Variants in BICRAL observed in about 807,000 individuals in gnomAD.
The protein encoded by BICRAL is BRD4-interacting chromatin-remodeling complex-associated protein-like.
A neutral mutation model predicts 91.8 loss-of-function variants in BICRAL; 8 were observed. The ratio of observed to expected loss-of-function variants is 0.09; its 90% confidence interval spans 0.05 to 0.16. The LOEUF is 0.16. Among genes scored for constraint, BICRAL ranks in the 10% least tolerant of loss-of-function variants. BICRAL has a pLI of 1.00. For missense variants in BICRAL, 1,038 were observed against 1,310.9 expected, an observed-to-expected ratio of 0.79 and a Z score of 3.21; for synonymous variants, 445 against 491.1, an observed-to-expected ratio of 0.91 and a Z score of 1.24.
intron 6 of BICRAL, among the ~76,000 whole-genome samples, chr6:42,849,880 C>T (rs1167602515): frequency 1.3e-5 from 2 of 151,872 alleles, no homozygotes; most frequent in Non-Finnish European, 2.9e-5. Context: ...GGTTAAATCT[C>T]ATCTCTACCA....
chr6:42,833,480 C>T (rs951844588), intron 6 of BICRAL, among the ~76,000 whole-genome samples: 1 of 152,086 alleles, frequency 6.6e-6, no homozygotes, highest in African/African-American at 2.4e-5. Flanking sequence ...CAGAGTCTCA[C>T]TCTATTGTCC....
intron 1 of BICRAL, among the ~76,000 whole-genome samples, chr6:42,760,796 TG>T (rs60981580): frequency 0.19 from 28,215 of 151,844 alleles, 2,892 homozygotes; most frequent in Admixed American, 0.24. Flanking sequence ...TAGAGGCAGG[TG>T]GATCACTTGA....
chr6:42,857,259 G>GCACCA, intron 10 of BICRAL, 23 bp downstream of exon 10: 2 of 1,595,376 alleles, frequency 1.3e-6, no homozygotes, highest in South Asian at 2.2e-5. Context: ...GGACCCTAAG[G>GCACCA]CACCACTCTG....
At position 42,829,462 on chromosome 6, in the gene BICRAL, G is replaced by T. The variant is rs771853925; in HGVS notation, c.1129G>T (p.Ala377Ser). ...CACAAGAAAGCCAGTCACCTCACAGGCAGTGAGCAGCACTGGGGGCAGTAT... is the reference window on the plus strand; with the variant it reads ...CACAAGAAAGCCAGTCACCTCACAGTCAGTGAGCAGCACTGGGGGCAGTAT... Reference protein sequence around the residue: ...QNTRKPVTSQAVSSTGGSIVI... With the variant: ...QNTRKPVTSQSVSSTGGSIVI... Residue 377 changes from alanine (A) to serine (S), a missense_variant, in exon 6 of 13, where the codon GCA becomes TCA. Around this residue, in one of 5 missense-constraint regions of BICRAL, gnomAD observed 532 missense variants for 724.9 expected, o/e 0.73. Coordinates refer to ENST00000314073, the MANE Select transcript of BICRAL (RefSeq NM_001393499.1). 2.5e-6 allele frequency: 4 copies of T among 1,614,028 alleles called. No individual in the cohort carries two copies. In the African/African-American group the frequency reaches 4.0e-5, roughly 16 times the overall value.
intron 1 of BICRAL, among the ~76,000 whole-genome samples, chr6:42,775,795 A>C (rs1278179291): frequency 1.3e-5 from 2 of 152,224 alleles, no homozygotes; most frequent in African/African-American, 4.8e-5. Context: ...ATATAGAGAC[A>C]AATAGCTTTA....
At chr6:42,767,532 G>A (rs1274903725) in intron 1 of BICRAL, among the ~76,000 whole-genome samples, 1 of 152,194 alleles carries the variant, frequency 6.6e-6, no homozygotes, top group Non-Finnish European at 1.5e-5. Context: ...AATCCAGTGG[G>A]TGTTTGTTGA....
At chr6:42,790,771 T>G (rs998073240) in intron 1 of BICRAL, among the ~76,000 whole-genome samples, 1 of 152,030 alleles carries the variant, frequency 6.6e-6, no homozygotes, top group Non-Finnish European at 1.5e-5. Context: ...ATGATTTAAG[T>G]AGCATACCAG....
chr6:42,794,134 C>T (rs902184434), intron 1 of BICRAL, among the ~76,000 whole-genome samples: 22 of 151,958 alleles, frequency 1.4e-4, no homozygotes, highest in African/African-American at 5.1e-4. Context: ...CCTGCCTCAG[C>T]CTCCCAGATA....
At chr6:42,780,486 CTGTT>C (rs1401752918), upstream of BICRAL, among the ~76,000 whole-genome samples, 1 of 152,128 alleles carries the variant, frequency 6.6e-6, no homozygotes, top group Admixed American at 6.5e-5. Context: ...GCTGAGCATT[CTGTT>C]TATCAGCAGG....
rs1763270693 is a variant in BICRAL, at chr6:42,791,496, TC to T, written c.-102+9396del. ...GAACCCAAATCCAGGACACTTTTTTTCATTAGGAGTTGAACTTTGTGTCCTG... is the reference window on the plus strand; with the variant it reads ...GAACCCAAATCCAGGACACTTTTTTTATTAGGAGTTGAACTTTGTGTCCTG... On this transcript the variant is annotated intron_variant, in intron 1 of 12. Coordinates refer to ENST00000314073, the MANE Select transcript of BICRAL (RefSeq NM_001393499.1). Among the ~76,000 whole-genome samples the T allele has an allele frequency of 2.0e-5, 3 of 152,326 alleles. No individual in the cohort carries two copies. The South Asian group carries it at 6.2e-4, about 32-fold the overall frequency.
At chr6:42,779,082 TG>T (rs1762843538), upstream of BICRAL, among the ~76,000 whole-genome samples, 2 of 151,946 alleles carry the variant, frequency 1.3e-5, no homozygotes, top group African/African-American at 4.8e-5. Context: ...CTGAGTGTGC[TG>T]GTGTGCACTT....
intron 1 of BICRAL, among the ~76,000 whole-genome samples, chr6:42,749,231 C>A (rs1192784218): frequency 1.3e-5 from 2 of 152,166 alleles, no homozygotes; most frequent in African/African-American, 2.4e-5. Flanking sequence ...CAAGGACTCA[C>A]ATACCCATCA....
At chr6:42,750,718 G>A (rs896134288) in intron 1 of BICRAL, among the ~76,000 whole-genome samples, 1 of 151,862 alleles carries the variant, frequency 6.6e-6, no homozygotes. Context: ...TGGGATTACA[G>A]GTGCCCACCA....
intron 5 of BICRAL, among the ~76,000 whole-genome samples, chr6:42,823,404 G>A (rs1054755202): frequency 5.9e-5 from 9 of 152,154 alleles, no homozygotes; most frequent in African/African-American, 2.2e-4. Flanking sequence ...TTACAGGTAT[G>A]AGCCACTGTG....
chr6:42,857,614 A>AAAAAAAAAAAAAAAATATATAT, intron 10 of BICRAL, among the ~76,000 whole-genome samples: 8 of 96,216 alleles, frequency 8.3e-5, no homozygotes, highest in African/African-American at 5.2e-4. Context: ...AAAAAAAAAA[A>AAAAAAAAAAAAAAAATATATAT]ATATATATAT....
intron 1 of BICRAL, among the ~76,000 whole-genome samples, chr6:42,794,411 CTGTGTGTGTGTGTGTGTGTG>C (rs67384767): frequency 9.6e-5 from 14 of 146,508 alleles, no homozygotes; most frequent in African/African-American, 3.0e-4. Context: ...TTCACTTACT[CTGTGTGTGTGTGTGTGTGTG>C]TGTGTGTGTG....
chr6:42,839,465 T>C (rs1764726802), intron 6 of BICRAL, among the ~76,000 whole-genome samples: 5 of 151,976 alleles, frequency 3.3e-5, no homozygotes. Flanking sequence ...ATGTTTGTTT[T>C]TTAGAACTTT....
chr6:42,864,135 C>T (rs1219638218), intron 12 of BICRAL, among the ~76,000 whole-genome samples: 1 of 151,646 alleles, frequency 6.6e-6, no homozygotes, highest in African/African-American at 2.4e-5. Flanking sequence ...CCACTACACT[C>T]CAGCCTGGGC....
chr6:42,817,903 G>T (rs774225661), intron 2 of BICRAL, among the ~76,000 whole-genome samples: 3 of 149,434 alleles, frequency 2.0e-5, no homozygotes, highest in Non-Finnish European at 4.4e-5. Flanking sequence ...TACTTAGGGG[G>T]TTAAGGATCT....
Sources: allele counts gnomAD v4.1 joint callset (sites outside exome capture counted in the v4.1 genomes callset), GRCh38; gene constraint gnomAD v4.1.1; regional missense constraint gnomAD v4.1.1; transcripts MANE v1.5; gene names NCBI Gene and HGNC (gene_info 2026-07-23, HGNC 2026-07-21).